ANOS1: variants seen among roughly 807,000 people sequenced by gnomAD.
The protein encoded by ANOS1 is anosmin 1.
In ANOS1, 6 loss-of-function variants were observed where a neutral mutation model predicts 59.0. That is an observed-to-expected ratio of 0.10 (90% CI 0.06 to 0.20). ANOS1 has a LOEUF of 0.20. Ranked by LOEUF, ANOS1 falls within the 10% of genes least tolerant of loss-of-function variation. The pLI is 1.00. For missense variants in ANOS1, 433 were observed against 542.3 expected (o/e 0.80, Z 2.00); for synonymous variants, 217 against 223.4 (o/e 0.97, Z 0.25).
Position 8,612,572 on chromosome X carries a change from G to A in ANOS1, c.318+11036C>T, listed in dbSNP as rs1211386355. 2.0e-3 allele frequency among the ~76,000 whole-genome samples: 172 copies of A among 83,911 alleles called. 2 individuals are homozygous for A. Among genetic ancestry groups the A allele is most frequent in the African/African-American group, 8.4e-3 (162 of 19,203 alleles). The allele number at this position is 83,911 out of a possible 115,157, so 72.9% of individuals were successfully genotyped here. ...AGAAGTTTTTTTTTTTTTTTTTAAAGAAGCACTAAAATTGACAAAATTCTA... is the reference window on the plus strand; with the variant it reads ...AGAAGTTTTTTTTTTTTTTTTTAAAAAAGCACTAAAATTGACAAAATTCTA... On this transcript the variant is annotated intron_variant, in intron 3 of 13. Coordinates refer to ENST00000262648, the MANE Select transcript of ANOS1 (RefSeq NM_000216.4).
chrX:8,584,406 TTTTG>T (rs772935518), intron 6 of ANOS1, among the ~76,000 whole-genome samples: 77 of 108,953 alleles, frequency 7.1e-4, no homozygotes, highest in African/African-American at 1.8e-3. Context: ...AAAAAAAGTG[TTTTG>T]TTTGTTTGTT....
intron 8 of ANOS1, among the ~76,000 whole-genome samples, chrX:8,566,610 G>A (rs73472344): frequency 0.11 from 11,743 of 110,283 alleles, 1,529 homozygotes; most frequent in African/African-American, 0.37. Flanking sequence ...CAATGCGATG[G>A]GTAGATGGAT....
intron 2 of ANOS1, among the ~76,000 whole-genome samples, chrX:8,659,324 T>C (rs1457117046): frequency 9.3e-6 from 1 of 107,670 alleles, no homozygotes; most frequent in African/African-American, 3.4e-5. Context: ...GTCAGGAGGA[T>C]TGAATGTGAC....
chrX:8,645,747 C>T (rs1931741519), intron 2 of ANOS1, among the ~76,000 whole-genome samples: 1 of 110,968 alleles, frequency 9.0e-6, no homozygotes, highest in African/African-American at 3.3e-5. Flanking sequence ...TCAGCCTTCT[C>T]AGGAACTGGG....
intron 2 of ANOS1, among the ~76,000 whole-genome samples, chrX:8,683,478 T>A (rs747606009): frequency 1.1e-3 from 126 of 110,725 alleles, no homozygotes; most frequent in African/African-American, 3.9e-3. Context: ...TCCATTTAAA[T>A]CAGGACACAT....
chrX:8,696,467 G>A (rs1932686212), intron 2 of ANOS1, among the ~76,000 whole-genome samples: 1 of 112,037 alleles, frequency 8.9e-6, no homozygotes, highest in South Asian at 3.7e-4. Flanking sequence ...AGCAGGCAAA[G>A]AGCAATCTCT....
chrX:8,555,039 A>G (rs1929927818), intron 8 of ANOS1, among the ~76,000 whole-genome samples: 1 of 112,083 alleles, frequency 8.9e-6, no homozygotes, highest in Admixed American at 9.5e-5. Flanking sequence ...CTCTCAGACC[A>G]CAGTGCAATC....
At chrX:8,728,980 C>G (rs1438646644) in intron 1 of ANOS1, among the ~76,000 whole-genome samples, 2 of 112,020 alleles carry the variant, frequency 1.8e-5, no homozygotes, top group South Asian at 7.4e-4. Flanking sequence ...TGCTGAAGGG[C>G]TGGGCAGTGG....
At chrX:8,604,575 G>A (rs1244695499) in intron 3 of ANOS1, among the ~76,000 whole-genome samples, 1 of 111,410 alleles carries the variant, frequency 9.0e-6, no homozygotes, top group African/African-American at 3.3e-5. Context: ...ATTCTATGCT[G>A]AGTAGTTGAA....
In ANOS1 at chrX:8,575,963, C is replaced by T. The variant is rs758341399; in HGVS notation, c.857-5259G>A. On this transcript the variant is annotated intron_variant, in intron 6 of 13. Coordinates refer to ENST00000262648, the MANE Select transcript of ANOS1 (RefSeq NM_000216.4). Reference sequence around the variant, plus strand: ...TACAGAAAAAAAAATTTTAAATTAGCTGGGGCATGGTGTTGTGTGCCTGTT... The same window carrying T: ...TACAGAAAAAAAAATTTTAAATTAGTTGGGGCATGGTGTTGTGTGCCTGTT... 1.3e-4 allele frequency among the ~76,000 whole-genome samples: 14 copies of T among 110,805 alleles called. No individual in the cohort carries two copies. In the East Asian group the frequency reaches 3.4e-3, roughly 27 times the overall value.
intron 4 of ANOS1, among the ~76,000 whole-genome samples, chrX:8,589,142 G>A (rs890555992): frequency 2.7e-5 from 3 of 112,239 alleles, no homozygotes; most frequent in South Asian, 3.7e-4. Flanking sequence ...TCTTGTTTAC[G>A]AAAATTTTAA....
At chrX:8,642,143 G>GA (rs1359970117) in intron 2 of ANOS1, among the ~76,000 whole-genome samples, 1 of 111,484 alleles carries the variant, frequency 9.0e-6, no homozygotes, top group Non-Finnish European at 1.9e-5. Context: ...TAAATAAAAT[G>GA]AAAAAAGAAT....
chrX:8,695,380 C>T (rs925433641), intron 2 of ANOS1, among the ~76,000 whole-genome samples: 1 of 111,589 alleles, frequency 9.0e-6, no homozygotes, highest in Non-Finnish European at 1.9e-5. Flanking sequence ...GTCAGTTTTG[C>T]GAACAGTTTA....
Position 8,590,952 on chromosome X carries a change from G to A in ANOS1, c.542-2974C>T, listed in dbSNP as rs145136488. On this transcript the variant is annotated intron_variant, in intron 4 of 13. Transcript: ENST00000262648. Reference sequence around the variant, plus strand: ...TATTACTCACATGTACATTCACTCTGTTTTTTAAAAAGATAAATACCAGAA... The same window carrying A: ...TATTACTCACATGTACATTCACTCTATTTTTTAAAAAGATAAATACCAGAA... Among the ~76,000 whole-genome samples, 223 of 111,666 alleles carry A rather than the reference G, an allele frequency of 2.0e-3. 1 individual carries two copies. The highest frequency in any genetic ancestry group is 6.8e-3 in the African/African-American group (208 of 30,731).
chrX:8,695,084 G>A (rs976724067), intron 2 of ANOS1, among the ~76,000 whole-genome samples: 1 of 111,439 alleles, frequency 9.0e-6, no homozygotes, highest in Non-Finnish European at 1.9e-5. Context: ...GGCTGAGGGG[G>A]GCAGATCACT....
At chrX:8,729,712 T>TAAAAAAAAAA (rs1173021674) in intron 1 of ANOS1, among the ~76,000 whole-genome samples, 1 of 63,068 alleles carries the variant, frequency 1.6e-5, no homozygotes, top group African/African-American at 5.9e-5. Context: ...TTCTAATTAT[T>TAAAAAAAAAA]AAAAAAAAAA....
intron 2 of ANOS1, among the ~76,000 whole-genome samples, chrX:8,685,570 G>GA: frequency 1.0e-5 from 1 of 96,569 alleles, no homozygotes; most frequent in Non-Finnish European, 2.1e-5. Context: ...AGGAAGGAAG[G>GA]AAGGAAGGAA....
intron 2 of ANOS1, among the ~76,000 whole-genome samples, chrX:8,646,594 C>G (rs1263966288): frequency 9.0e-6 from 1 of 110,623 alleles, no homozygotes; most frequent in Non-Finnish European, 1.9e-5. Flanking sequence ...TAATCCCCTT[C>G]CCTGCCAAAA....
chrX:8,658,576 A>C (rs1931972027), intron 2 of ANOS1, among the ~76,000 whole-genome samples: 2 of 112,389 alleles, frequency 1.8e-5, no homozygotes, highest in South Asian at 7.4e-4. Flanking sequence ...GTATGAATGA[A>C]TTTAATACTT....
Sources: allele counts gnomAD v4.1 joint callset (sites outside exome capture counted in the v4.1 genomes callset), GRCh38; gene constraint gnomAD v4.1.1; transcripts MANE v1.5; gene names NCBI Gene and HGNC (gene_info 2026-07-23, HGNC 2026-07-21).